The following FARS2 variants were observed in gnomAD, a reference collection of about 807,000 sequenced individuals.
The protein encoded by FARS2 is phenylalanyl-tRNA synthetase 2, mitochondrial.
Under a neutral mutation model 46.4 loss-of-function variants are expected in FARS2, and 40 were observed. The observed-to-expected ratio is 0.86, with a 90% CI of 0.67 to 1.12. The LOEUF is 1.12. FARS2 is among the 50% of genes most tolerant of loss of function. The pLI is 0.00. For synonymous variants in FARS2, 234 were observed against 214.9 expected (o/e 1.09, Z -0.78); for missense variants, 513 against 567.9 (o/e 0.90, Z 0.98).
intron 1 of FARS2, among the ~76,000 whole-genome samples, chr6:5,286,596 C>A (rs1359567701): frequency 6.6e-6 from 1 of 152,114 alleles, no homozygotes; most frequent in African/African-American, 2.4e-5. Flanking sequence ...GTGTGTTTTA[C>A]TACCCATGCT....
chr6:5,423,187 G>A (rs1447856282), intron 3 of FARS2, among the ~76,000 whole-genome samples: 2 of 152,014 alleles, frequency 1.3e-5, no homozygotes, highest in Non-Finnish European at 2.9e-5. Context: ...ACAGGTTGAC[G>A]AGGAGGATCG....
chr6:5,253,613 C>G, the FARS2 span, among the ~76,000 whole-genome samples: 1 of 152,044 alleles, frequency 6.6e-6, no homozygotes, highest in Non-Finnish European at 1.5e-5. Flanking sequence ...TGTGGTGGTT[C>G]AAGAAGTTTT....
intron 1 of FARS2, among the ~76,000 whole-genome samples, chr6:5,340,585 C>T (rs965576895): frequency 3.3e-5 from 5 of 152,166 alleles, no homozygotes; most frequent in Admixed American, 6.5e-5. Flanking sequence ...TTTTAGCCTA[C>T]GTTTTCCTAA....
chr6:5,362,620 T>C (rs766744182), intron 1 of FARS2, among the ~76,000 whole-genome samples: 6 of 152,210 alleles, frequency 3.9e-5, no homozygotes, highest in Non-Finnish European at 8.8e-5. Context: ...GGATCATATG[T>C]TAATAGTTCT....
At chr6:5,588,083 T>C (rs995216141) in intron 5 of FARS2, among the ~76,000 whole-genome samples, 18 of 152,108 alleles carry the variant, frequency 1.2e-4, no homozygotes, top group Non-Finnish European at 2.5e-4. Flanking sequence ...GCTAGGCCTC[T>C]TCATAATCGA....
chr6:5,589,634 C>T (rs537219866), intron 5 of FARS2, among the ~76,000 whole-genome samples: 4 of 152,290 alleles, frequency 2.6e-5, no homozygotes, highest in Admixed American at 6.5e-5. Context: ...AAGTGTTAGA[C>T]GAAGCACATT....
At chr6:5,415,990 A>C (rs940288760) in intron 3 of FARS2, among the ~76,000 whole-genome samples, 36 of 152,208 alleles carry the variant, frequency 2.4e-4, no homozygotes, top group Non-Finnish European at 1.8e-4. Flanking sequence ...TACAGGTGTG[A>C]GCTATTGCGC....
At chr6:5,763,786 T>A (rs1397989495) in intron 6 of FARS2, among the ~76,000 whole-genome samples, 3 of 146,542 alleles carry the variant, frequency 2.0e-5, no homozygotes, top group African/African-American at 5.1e-5. Context: ...TTTTTTTTTT[T>A]AACATAGAGA....
chr6:5,323,094 T>G (rs1185375145), intron 1 of FARS2, among the ~76,000 whole-genome samples: 4 of 152,230 alleles, frequency 2.6e-5, no homozygotes, highest in Non-Finnish European at 5.9e-5. Flanking sequence ...ATCATTTTTT[T>G]ATTAAGCATC....
In FARS2 at chr6:5,576,116, G is replaced by A. The variant is rs1445442236; in HGVS notation, c.1065+30776G>A. ...CATCACATTCTATTCACTGGTTTTA[G>A]CATCCATTAATGTTTTCTGTAAGGT... On this transcript the variant is annotated intron_variant, in intron 5 of 6. Coordinates refer to ENST00000274680, the MANE Select transcript of FARS2 (RefSeq NM_006567.5). 3.3e-5 allele frequency among the ~76,000 whole-genome samples: 5 copies of A among 152,126 alleles called. No individual in the cohort carries two copies. In the South Asian group the frequency reaches 6.2e-4, roughly 19 times the overall value.
chr6:5,732,294 T>C (rs1582848075), intron 6 of FARS2, among the ~76,000 whole-genome samples: 1 of 151,950 alleles, frequency 6.6e-6, no homozygotes, highest in Admixed American at 6.6e-5. Context: ...GATATGGCGG[T>C]GCACACTCTA....
rs745400923 is a variant in FARS2 at position 5,404,603 on chromosome 6, C to T, written c.674C>T (p.Ala225Val). 44 of 1,612,176 alleles carry T rather than the reference C, an allele frequency of 2.7e-5. No homozygotes were observed. The highest frequency in any genetic ancestry group is 1.5e-4 in the African/African-American group (11 of 74,880). Residue 225 changes from alanine (A) to valine (V), a missense_variant, in exon 3 of 7, where the codon GCG becomes GTG. Physicochemically the swap from Ala to Val is moderately conservative, Grantham distance 64. Transcript: ENST00000274680. ...LQLFEQSSRS[A>V]HKQETHTMEA... ...CTCTTTGAACAAAGTTCTCGCTCTG[C>T]GCATAAACAAGAGACACACACCATG...
intron 1 of FARS2, among the ~76,000 whole-genome samples, chr6:5,342,116 A>C (rs955527810): frequency 6.6e-6 from 1 of 152,216 alleles, no homozygotes; most frequent in African/African-American, 2.4e-5. Context: ...TTATAATGCT[A>C]GCTATTTATG....
chr6:5,760,563 C>G (rs1327792651), intron 6 of FARS2, among the ~76,000 whole-genome samples: 1 of 152,188 alleles, frequency 6.6e-6, no homozygotes, highest in African/African-American at 2.4e-5. Context: ...CTGTCGCTTT[C>G]TTAATGATGG....
the FARS2 span, among the ~76,000 whole-genome samples, chr6:5,252,059 C>G: frequency 6.6e-6 from 1 of 152,160 alleles, no homozygotes; most frequent in African/African-American, 2.4e-5. Context: ...ACATAGTAAG[C>G]GAGACCTGAC....
intron 6 of FARS2, among the ~76,000 whole-genome samples, chr6:5,631,938 A>G (rs1464750130): frequency 1.3e-5 from 2 of 152,178 alleles, no homozygotes; most frequent in Non-Finnish European, 2.9e-5. Flanking sequence ...AAAAATAGCT[A>G]TTATGATCTG....
At chr6:5,665,612 A>G (rs1442988605) in intron 6 of FARS2, among the ~76,000 whole-genome samples, 5 of 152,192 alleles carry the variant, frequency 3.3e-5, no homozygotes, top group Admixed American at 2.6e-4. Context: ...AGCCAGAACC[A>G]CATATCCCAG....
intron 1 of FARS2, among the ~76,000 whole-genome samples, chr6:5,317,877 C>T (rs1416107741): frequency 6.6e-6 from 1 of 152,026 alleles, no homozygotes; most frequent in Non-Finnish European, 1.5e-5. Flanking sequence ...AAGGGAGCAG[C>T]ATCCAGGAAA....
chr6:5,562,851 C>T (rs138603295), intron 5 of FARS2, among the ~76,000 whole-genome samples: 14 of 149,930 alleles, frequency 9.3e-5, no homozygotes, highest in African/African-American at 1.5e-4. Context: ...TCGCCCAGGC[C>T]GGAGTGCAAT....
Sources: gnomAD v4.1 joint callset for allele counts (sites outside exome capture counted in the v4.1 genomes callset) on GRCh38, gnomAD v4.1.1 for gene constraint, MANE v1.5 for transcripts, NCBI Gene and HGNC (gene_info 2026-07-23, HGNC 2026-07-21) for gene names.